The following HDAC2 variants were observed in gnomAD, a reference collection of about 807,000 sequenced individuals.
HDAC2 encodes YY1-associated factor 1.
A neutral mutation model predicts 68.5 loss-of-function variants in HDAC2; 5 were observed. That is an observed-to-expected ratio of 0.07 (90% CI 0.04 to 0.15). The LOEUF (loss-of-function observed/expected upper bound fraction) is 0.15, where lower values mean the gene tolerates loss of function less well. Ranked by LOEUF, HDAC2 falls within the 10% of genes least tolerant of loss-of-function variation. HDAC2 has a pLI of 1.00. For missense variants in HDAC2, 291 were observed against 600.8 expected (o/e 0.48, Z 5.39); for synonymous variants, 182 against 191.3 (o/e 0.95, Z 0.40).
At chr6:113,958,571 G>A (rs1776608610) in intron 3 of HDAC2, 78 bp downstream of exon 3, 1 of 727,682 alleles carries the variant, frequency 1.4e-6, no homozygotes, top group Non-Finnish European at 2.3e-6. Flanking sequence ...AAAATATTCA[G>A]ATTTAGATCA....
At position 113,942,545 on chromosome 6, in the gene HDAC2, C is replaced by A. The variant is rs114617200; in HGVS notation, c.1379-780G>T. Among the ~76,000 whole-genome samples, 329 of 151,620 alleles carry A rather than the reference C, an allele frequency of 2.2e-3. 2 individuals carry two copies. The highest frequency in any genetic ancestry group is 7.7e-3 in the African/African-American group (320 of 41,350). The stretch of plus-strand genomic sequence containing the variant: ...TCACATACTACAGGATCAAAATTAA[C>A]AGGTTAACTAAAACGTGTGCTCATC... On this transcript the variant is annotated intron_variant, in intron 12 of 13. Transcript: ENST00000519065.
chr6:113,958,812 A>G (rs528146444), intron 2 of HDAC2, 46 bp from the exon 3 acceptor site: 3 of 1,066,870 alleles, frequency 2.8e-6, no homozygotes, highest in Non-Finnish European at 4.4e-6. Flanking sequence ...ACAACCGGTT[A>G]TATCAGTATT....
At position 113,959,962 on chromosome 6, in the gene HDAC2, G is replaced by A; in HGVS notation, c.109C>T (p.Arg37Cys). 1.3e-6 allele frequency: 2 copies of A among 1,595,586 alleles called. No individual in the cohort carries two copies. The highest frequency in any genetic ancestry group is 1.7e-6 in the Non-Finnish European group (2 of 1,163,570). ...QGHPMKPHRI[R>C]MTHNLLLNYG... ...TTTAACAGCAAGTTATGGGTCATGC[G>A]GATTCTATGAGGCTTCATGGGATGA... is the stretch of plus-strand genomic sequence containing the variant. Residue 37 changes from arginine (R) to cysteine (C), a missense_variant, in exon 2 of 14, where the codon CGC becomes TGC. Around this residue, in one of 2 missense-constraint regions of HDAC2, gnomAD observed 154 missense variants for 472.1 expected, o/e 0.33. Coordinates refer to ENST00000519065, the MANE Select transcript of HDAC2 (RefSeq NM_001527.4).
chr6:113,949,395 C>T (rs897416166), intron 6 of HDAC2, 135 bp from the exon 7 acceptor site: 4 of 628,222 alleles, frequency 6.4e-6, no homozygotes, highest in East Asian at 2.7e-5. Context: ...AAGTTGAGAC[C>T]GGAACAATCA....
chr6:113,933,656 G>T lies in HDAC2; in HGVS notation c.*7402C>A, dbSNP rs1379073645. On this transcript the variant is annotated 3_prime_UTR_variant, in exon 14 of 14. Coordinates refer to ENST00000519065, the MANE Select transcript of HDAC2 (RefSeq NM_001527.4). ...TCTAGACACTGGAGATTAATCCCCA[G>T]TGGAGTGTAAGACAAACAAAACCCT... is the stretch of plus-strand genomic sequence containing the variant. 6.6e-6 allele frequency: 1 copy of T among 152,056 alleles called. No homozygotes were observed. The highest frequency in any genetic ancestry group is 1.5e-5 in the Non-Finnish European group (1 of 68,000). 9.4% of individuals were successfully genotyped at this position (152,056 alleles called of 1,614,324 possible). A position where few individuals can be genotyped will look rare whatever the true frequency, so the allele number is the denominator to read the frequency against.
At chr6:113,941,457 C>G (rs143333227) in intron 13 of HDAC2, among the ~76,000 whole-genome samples, 2 of 151,858 alleles carry the variant, frequency 1.3e-5, no homozygotes, top group South Asian at 4.1e-4. Context: ...TAAAAGATAA[C>G]AGCAAAAAAG....
chr6:113,964,565 G>A (rs921297207), intron 1 of HDAC2, among the ~76,000 whole-genome samples: 6 of 152,126 alleles, frequency 3.9e-5, no homozygotes, highest in African/African-American at 1.4e-4. Flanking sequence ...GGGTTCATCA[G>A]TGAACAATAG....
intron 1 of HDAC2, chr6:113,970,619 G>A (rs921151197): frequency 5.0e-5 from 67 of 1,333,168 alleles, no homozygotes; most frequent in Middle Eastern, 5.6e-4. Context: ...GGCCGAAGGG[G>A]GAGAGGCAGG....
intron 1 of HDAC2, among the ~76,000 whole-genome samples, chr6:113,964,656 T>C (rs1301434765): frequency 1.3e-5 from 2 of 152,254 alleles, no homozygotes; most frequent in Non-Finnish European, 2.9e-5. Flanking sequence ...TCAGTCTCAA[T>C]ACTTCACCTG....
chr6:113,961,139 A>G (rs989125833), intron 1 of HDAC2, among the ~76,000 whole-genome samples: 3 of 152,150 alleles, frequency 2.0e-5, no homozygotes, highest in African/African-American at 4.8e-5. Flanking sequence ...AGCTATTTTA[A>G]TGGTTTGAAG....
chr6:113,969,373 T>A (rs1199267646), intron 1 of HDAC2, among the ~76,000 whole-genome samples: 1 of 152,242 alleles, frequency 6.6e-6, no homozygotes, highest in East Asian at 1.9e-4. Context: ...ATTAAAAGAT[T>A]AATCCTTTTT....
chr6:113,952,541 T>A (rs1038060392), intron 6 of HDAC2, among the ~76,000 whole-genome samples: 3 of 152,214 alleles, frequency 2.0e-5, no homozygotes, highest in African/African-American at 7.2e-5. Flanking sequence ...AAAACTTTGT[T>A]CAATGCCATA....
chr6:113,950,376 TTTG>T (rs1006162706), intron 6 of HDAC2, among the ~76,000 whole-genome samples: 39 of 151,444 alleles, frequency 2.6e-4, no homozygotes, highest in African/African-American at 9.3e-4. Flanking sequence ...GGTGTGCCTC[TTTG>T]TTGTTTTTTT....
At chr6:113,963,764 T>C (rs1428731158) in intron 1 of HDAC2, among the ~76,000 whole-genome samples, 1 of 152,144 alleles carries the variant, frequency 6.6e-6, no homozygotes, top group Non-Finnish European at 1.5e-5. Flanking sequence ...GAAATAAACA[T>C]TCAGAAAAAT....
chr6:113,964,842 A>C (rs1776773574), intron 1 of HDAC2, among the ~76,000 whole-genome samples: 1 of 152,216 alleles, frequency 6.6e-6, no homozygotes, highest in Admixed American at 6.5e-5. Context: ...GTAGTACCAC[A>C]TACCACCTAA....
Position 113,940,956 on chromosome 6 carries a change from C to T in HDAC2, c.*102G>A. The T allele has an allele frequency of 2.3e-6, 2 of 870,610 alleles. No individual in the cohort carries two copies. The highest frequency in any genetic ancestry group is 1.8e-6 in the Non-Finnish European group (1 of 551,806). 53.9% of individuals were successfully genotyped at this position (870,610 alleles called of 1,614,324 possible). ...CATTTGAAAATAAATACAGTCCATG[C>T]CAAAGTAGTATAAAATGAAGCCAGA... On this transcript the variant is annotated 3_prime_UTR_variant, in exon 14 of 14. Coordinates refer to ENST00000519065, the MANE Select transcript of HDAC2 (RefSeq NM_001527.4).
At chr6:113,949,519 GA>G (rs1196470618) in intron 6 of HDAC2, among the ~76,000 whole-genome samples, 1 of 41,346 alleles carries the variant, frequency 2.4e-5, no homozygotes, top group African/African-American at 9.9e-5. Context: ...ATTTTTGACA[GA>G]AAAGAAATTT....
In HDAC2 at chr6:113,956,039, A is replaced by G; in HGVS notation, c.471T>C (p.Ile157=). The change falls in exon 5 of 14, where the codon ATT becomes ATC. Residue 157 remains isoleucine, a synonymous_variant. Coordinates refer to ENST00000519065, the MANE Select transcript of HDAC2 (RefSeq NM_001527.4). The stretch of plus-strand genomic sequence containing the variant: ...TTAGTAATTCAAGGATGGCAAGCAC[A>G]ATATCATTAACGTAACAGAATCCTG... The part of the protein sequence containing the change: ...EASGFCYVND[I]VLAILELLKY... The G allele has an allele frequency of 6.2e-7, 1 of 1,608,848 alleles. No individual in the cohort carries two copies. The highest frequency in any genetic ancestry group is 8.5e-7 in the Non-Finnish European group (1 of 1,177,994).
At position 113,956,599 on chromosome 6, in the gene HDAC2, C is replaced by A; in HGVS notation, c.358+20G>T. 6.4e-7 allele frequency: 1 copy of A among 1,569,696 alleles called. No homozygotes were observed. The highest frequency in any genetic ancestry group is 8.8e-7 in the Non-Finnish European group (1 of 1,139,834). On this transcript the variant is annotated intron_variant, in intron 4 of 13. Transcript: ENST00000519065. ...ACCAAGTTCAGATCAACTTTTAAAT[C>A]TGATTGCATTAGCACTTACCAACTG...
Sources: gnomAD v4.1 joint callset for allele counts (sites outside exome capture counted in the v4.1 genomes callset) on GRCh38, gnomAD v4.1.1 for gene constraint, gnomAD v4.1.1 regional missense constraint, MANE v1.5 for transcripts, NCBI Gene and HGNC (gene_info 2026-07-23, HGNC 2026-07-21) for gene names.